The following HIVEP3 variants were observed in gnomAD, a reference collection of about 807,000 sequenced individuals.
The protein encoded by HIVEP3 is transcription factor HIVEP3.
In HIVEP3, 49 loss-of-function variants were observed where a neutral mutation model predicts 152.8. The ratio of observed to expected loss-of-function variants is 0.32; its 90% confidence interval spans 0.26 to 0.41. HIVEP3 has a LOEUF of 0.41. Ranked by LOEUF, HIVEP3 falls within the 10% of genes least tolerant of loss-of-function variation. The probability of loss-of-function intolerance (pLI) is 1.00; values close to 1 mark genes in which losing one functional copy is unlikely to be tolerated. For synonymous variants in HIVEP3, 1,269 were observed against 1,289.0 expected (o/e 0.98, Z 0.33); for missense variants, 2,790 against 3,103.3 (o/e 0.90, Z 2.40).
At chr1:41,632,401 G>A (rs930599832) in intron 2 of HIVEP3, among the ~76,000 whole-genome samples, 2 of 152,108 alleles carry the variant, frequency 1.3e-5, no homozygotes, top group East Asian at 3.9e-4. Flanking sequence ...ATGTGTAAGA[G>A]AGAGAAAAAA....
chr1:41,733,452 T>C (rs1646871833), intron 1 of HIVEP3, among the ~76,000 whole-genome samples: 1 of 152,054 alleles, frequency 6.6e-6, no homozygotes, highest in African/African-American at 2.4e-5. Flanking sequence ...GTGGGAAGGG[T>C]CCTTAGTGGC....
chr1:41,664,239 G>C lies in HIVEP3; in HGVS notation c.-720-35292C>G, dbSNP rs1645761278. Among the ~76,000 whole-genome samples, 1 of 152,168 alleles carries C rather than the reference G, an allele frequency of 6.6e-6. No homozygotes were observed. Among genetic ancestry groups the C allele is most frequent in the African/African-American group, 2.4e-5 (1 of 41,426 alleles). ...ACTCCACTCCTGCCCTGCCCCCACT[G>C]TCCTGCTTCCCGTTTTCTGTCTGAA... is the stretch of plus-strand genomic sequence containing the variant. On this transcript the variant is annotated intron_variant, in intron 2 of 8. Coordinates refer to ENST00000372583, the MANE Select transcript of HIVEP3 (RefSeq NM_024503.5). The surrounding 1 kb of genome is among the most constrained non-coding windows in gnomAD (Gnocchi z 4.4).
At chr1:42,014,072 C>T (rs1391475363) in intron 1 of HIVEP3, among the ~76,000 whole-genome samples, 3 of 152,130 alleles carry the variant, frequency 2.0e-5, no homozygotes, top group Non-Finnish European at 4.4e-5. Flanking sequence ...GTGGAGGAAA[C>T]AGGAAGTTTC....
At chr1:41,882,997 C>T (rs783632) in intron 1 of HIVEP3, among the ~76,000 whole-genome samples, 3 of 152,024 alleles carry the variant, frequency 2.0e-5, no homozygotes, top group African/African-American at 4.8e-5. Flanking sequence ...TGTCTAGGAG[C>T]GGGGAGCCAG....
At chr1:41,932,021 T>A (rs1410780832) in intron 1 of HIVEP3, among the ~76,000 whole-genome samples, 1 of 151,922 alleles carries the variant, frequency 6.6e-6, no homozygotes, top group Non-Finnish European at 1.5e-5. Flanking sequence ...TGCATTGTTT[T>A]TTATCTTAAG....
At position 41,580,579 on chromosome 1, in the gene HIVEP3, CTTT is replaced by C; in HGVS notation, c.4216_4218del (p.Lys1406del). 1 of 1,614,188 alleles carries C rather than the reference CTTT, an allele frequency of 6.2e-7. No individual in the cohort carries two copies. The highest frequency in any genetic ancestry group is 8.5e-7 in the Non-Finnish European group (1 of 1,180,040). ...ATACTCTCTGATGACAGGGAAGTGC[CTTT>C]TCTTTCAGGTAATGTCACAGGCACT... On this transcript the variant is annotated inframe_deletion, in exon 4 of 9. Transcript: ENST00000372583.
intron 3 of HIVEP3, among the ~76,000 whole-genome samples, chr1:41,617,185 G>C (rs1406896859): frequency 6.6e-6 from 1 of 152,084 alleles, no homozygotes; most frequent in African/African-American, 2.4e-5. Flanking sequence ...TATATTTTTT[G>C]TAAGTTTTCC....
chr1:41,986,628 G>A (rs996697321), intron 1 of HIVEP3, among the ~76,000 whole-genome samples: 3 of 152,036 alleles, frequency 2.0e-5, no homozygotes, highest in African/African-American at 2.4e-5. Context: ...TTTTAGTAGA[G>A]ACAGGGTTTC....
chr1:41,619,171 T>C (rs1645011280), intron 3 of HIVEP3, among the ~76,000 whole-genome samples: 1 of 152,104 alleles, frequency 6.6e-6, no homozygotes, highest in Non-Finnish European at 1.5e-5. Context: ...ACCAGCTTCC[T>C]TGCTGTTCCC....
At chr1:41,765,562 G>A (rs1266965154) in intron 1 of HIVEP3, among the ~76,000 whole-genome samples, 1 of 152,194 alleles carries the variant, frequency 6.6e-6, no homozygotes, top group African/African-American at 2.4e-5. Flanking sequence ...TTGTTTGGAA[G>A]TTAACCTTTA....
At chr1:41,829,600 T>A (rs898015539) in intron 1 of HIVEP3, among the ~76,000 whole-genome samples, 16 of 151,404 alleles carry the variant, frequency 1.1e-4, no homozygotes, top group Non-Finnish European at 1.8e-4. Context: ...ATAAATAAAT[T>A]AAATAATAAT....
At chr1:41,791,238 T>C (rs1379620138) in intron 1 of HIVEP3, among the ~76,000 whole-genome samples, 1 of 152,112 alleles carries the variant, frequency 6.6e-6, no homozygotes, top group African/African-American at 2.4e-5. Context: ...ACCTGCATAT[T>C]TGTGCACTAG....
Position 41,997,998 on chromosome 1 carries a change from A to G in HIVEP3, n.119+37809T>C, listed in dbSNP as rs534162061. On this transcript the variant is annotated intron_variant and non_coding_transcript_variant, in intron 1 of 3. Coordinates refer to the HIVEP3 transcript ENST00000489103. ...TTCCATACAGCTGCTAAATTGAACT[A>G]CCTGTTATATCAGTTTAGTAAATTG... 3.3e-5 allele frequency among the ~76,000 whole-genome samples: 5 copies of G among 152,308 alleles called. No individual in the cohort carries two copies. In the South Asian group the frequency reaches 1.0e-3, roughly 32 times the overall value.
chr1:41,699,122 C>T (rs973131021), intron 2 of HIVEP3, among the ~76,000 whole-genome samples: 3 of 152,268 alleles, frequency 2.0e-5, no homozygotes, highest in Admixed American at 6.5e-5. Flanking sequence ...CACTCCATCG[C>T]AGGGCTGAGT....
chr1:41,856,407 T>C (rs1387284698), intron 1 of HIVEP3, among the ~76,000 whole-genome samples: 1 of 152,176 alleles, frequency 6.6e-6, no homozygotes, highest in African/African-American at 2.4e-5. Flanking sequence ...GCTGTCAGTG[T>C]GAACATCAGC....
rs546706738 is a variant in HIVEP3, at chr1:41,677,007, C to A, written c.-721+23909G>T. 1.6e-3 allele frequency among the ~76,000 whole-genome samples: 239 copies of A among 148,412 alleles called. 1 individual carries two copies. The highest frequency in any genetic ancestry group is 2.8e-3 in the Non-Finnish European group (184 of 66,634). On this transcript the variant is annotated intron_variant, in intron 2 of 8. Transcript: ENST00000372583. ...GTGTTATGCCGTGTGGAGGATGACGCCCAAAAGCAGCAGATGAGACTGAGA... is the reference window on the plus strand; with the variant it reads ...GTGTTATGCCGTGTGGAGGATGACGACCAAAAGCAGCAGATGAGACTGAGA...
intron 4 of HIVEP3, among the ~76,000 whole-genome samples, chr1:41,579,433 T>C (rs962505314): frequency 6.6e-6 from 1 of 152,186 alleles, no homozygotes; most frequent in Non-Finnish European, 1.5e-5. Flanking sequence ...TTTTGGAAAA[T>C]TTCTTTTTTT....
At chr1:41,921,013 G>A (rs1644938813), upstream of HIVEP3, among the ~76,000 whole-genome samples, 1 of 152,090 alleles carries the variant, frequency 6.6e-6, no homozygotes, top group South Asian at 2.1e-4. Flanking sequence ...TAAAGAAAAA[G>A]CCTCCCAGAG....
intron 2 of HIVEP3, among the ~76,000 whole-genome samples, chr1:41,674,893 C>G (rs112702760): frequency 0.036 from 5,426 of 152,220 alleles, 109 homozygotes; most frequent in Middle Eastern, 0.068. Flanking sequence ...ATCTTTAGTC[C>G]ACACTTATTG....
Sources: allele counts gnomAD v4.1 joint callset (sites outside exome capture counted in the v4.1 genomes callset), GRCh38; gene constraint gnomAD v4.1.1; non-coding constraint Gnocchi (gnomAD v3.1); transcripts MANE v1.5; gene names NCBI Gene and HGNC (gene_info 2026-07-23, HGNC 2026-07-21).